KHDRBS3: variants seen among roughly 807,000 people sequenced by gnomAD.
KHDRBS3 encodes the protein KH RNA binding domain containing, signal transduction associated 3.
KHDRBS3 carries 23 observed loss-of-function variants against 45.6 expected under a neutral mutation model. The observed-to-expected ratio is 0.50, with a 90% confidence interval of 0.36 to 0.72. KHDRBS3 has a LOEUF of 0.72. Ranked by LOEUF, KHDRBS3 falls within the 30% of genes least tolerant of loss-of-function variation. The pLI, the probability that KHDRBS3 is intolerant of heterozygous loss-of-function variation, is 0.00. For synonymous variants in KHDRBS3, 162 were observed against 156.5 expected (o/e 1.04, Z -0.26); for missense variants, 352 against 424.8 (o/e 0.83, Z 1.51).
At chr8:135,625,624 C>G (rs1830324114) in intron 7 of KHDRBS3, 3 of 891,330 alleles carry the variant, frequency 3.4e-6, no homozygotes, top group Non-Finnish European at 5.7e-6. Context: ...TCTTTTCCAT[C>G]ATAATTTGCA....
intron 1 of KHDRBS3, among the ~76,000 whole-genome samples, chr8:135,481,274 T>TG (rs11415637): frequency 0.79 from 106,710 of 134,736 alleles, 42,518 homozygotes; most frequent in East Asian, 0.96. Flanking sequence ...TTCTGTGTAC[T>TG]TTTTTTTTTT....
chr8:135,470,735 G>A (rs946889763), intron 1 of KHDRBS3, among the ~76,000 whole-genome samples: 1 of 151,936 alleles, frequency 6.6e-6, no homozygotes, highest in Non-Finnish European at 1.5e-5. Context: ...ACAGGTGCCC[G>A]CCAGCACACC....
chr8:135,497,164 A>G (rs986460335), intron 1 of KHDRBS3, among the ~76,000 whole-genome samples: 1 of 152,058 alleles, frequency 6.6e-6, no homozygotes, highest in East Asian at 1.9e-4. Context: ...ACAAGGCTTC[A>G]CTCTTTTACA....
At chr8:135,510,216 G>A (rs1040836504) in intron 1 of KHDRBS3, among the ~76,000 whole-genome samples, 6 of 152,008 alleles carry the variant, frequency 3.9e-5, no homozygotes, top group African/African-American at 1.4e-4. Context: ...TCTTTCCTTA[G>A]CCTCTCAAAG....
At chr8:135,569,768 G>C (rs1485494900) in intron 5 of KHDRBS3, among the ~76,000 whole-genome samples, 1 of 152,164 alleles carries the variant, frequency 6.6e-6, no homozygotes, top group Non-Finnish European at 1.5e-5. Context: ...GGCAGGTTCT[G>C]TGGTGGAGAT....
intron 2 of KHDRBS3, chr8:135,541,294 A>G (rs1826037533): frequency 6.6e-6 from 1 of 152,198 alleles, no homozygotes; most frequent in Non-Finnish European, 1.5e-5. Flanking sequence ...GTGGGATTGT[A>G]TGGGTCAGTA....
At chr8:135,545,504 A>G (rs1299414077) in intron 3 of KHDRBS3, among the ~76,000 whole-genome samples, 1 of 152,164 alleles carries the variant, frequency 6.6e-6, no homozygotes, top group African/African-American at 2.4e-5. Context: ...CCTGAGTCTC[A>G]CATAAGAGAC....
intron 5 of KHDRBS3, among the ~76,000 whole-genome samples, chr8:135,559,492 A>G (rs1827063460): frequency 6.6e-6 from 1 of 152,114 alleles, no homozygotes; most frequent in Non-Finnish European, 1.5e-5. Flanking sequence ...AGCTGGGATT[A>G]CAGGCACCTG....
chr8:135,485,862 A>ATATATATATATATATATATATATC (rs1822834640), intron 1 of KHDRBS3, among the ~76,000 whole-genome samples: 1 of 143,448 alleles, frequency 7.0e-6, no homozygotes, highest in South Asian at 2.1e-4. Flanking sequence ...ATATATATAT[A>ATATATATATATATATATATATATC]TATATATTTT....
intron 7 of KHDRBS3, chr8:135,625,231 A>C: frequency 7.2e-7 from 1 of 1,390,408 alleles, no homozygotes; most frequent in Non-Finnish European, 1.0e-6. Context: ...ATCAGATGTC[A>C]CAAAGCCTTC....
At chr8:135,503,783 A>G (rs1357997223) in intron 1 of KHDRBS3, among the ~76,000 whole-genome samples, 1 of 152,184 alleles carries the variant, frequency 6.6e-6, no homozygotes, top group Non-Finnish European at 1.5e-5. Flanking sequence ...ACCCTTGTCA[A>G]TGGTAGGACT....
chr8:135,581,032 A>G (rs1450692251), intron 5 of KHDRBS3, among the ~76,000 whole-genome samples: 4 of 152,006 alleles, frequency 2.6e-5, no homozygotes, highest in Non-Finnish European at 5.9e-5. Flanking sequence ...ATAATTTGCT[A>G]TTTTTGGAAA....
chr8:135,535,166 G>A (rs1825672118), intron 2 of KHDRBS3, among the ~76,000 whole-genome samples: 1 of 151,092 alleles, frequency 6.6e-6, no homozygotes, highest in African/African-American at 2.4e-5. Flanking sequence ...ATCAGTTAAG[G>A]TTGTGTGAAA....
chr8:135,613,519 G>A (rs34351724), intron 7 of KHDRBS3, among the ~76,000 whole-genome samples: 30,976 of 151,508 alleles, frequency 0.2, 3,847 homozygotes, highest in Middle Eastern at 0.29. Context: ...CTTGAGGACT[G>A]AATGAGATGG....
intron 1 of KHDRBS3, among the ~76,000 whole-genome samples, chr8:135,503,334 G>A (rs1823829170): frequency 6.6e-6 from 1 of 152,196 alleles, no homozygotes; most frequent in Non-Finnish European, 1.5e-5. Context: ...CGGCACTATG[G>A]AGGGAAGCCA....
intron 5 of KHDRBS3, among the ~76,000 whole-genome samples, chr8:135,570,883 A>T (rs982577870): frequency 6.6e-6 from 1 of 152,202 alleles, no homozygotes; most frequent in African/African-American, 2.4e-5. Flanking sequence ...TTATTAAAGC[A>T]CTTTCTGATG....
chr8:135,514,456 C>T (rs886611679), intron 1 of KHDRBS3, among the ~76,000 whole-genome samples: 1 of 152,166 alleles, frequency 6.6e-6, no homozygotes, highest in East Asian at 1.9e-4. Context: ...TGAAATAAGC[C>T]AAGCATGGAA....
intron 5 of KHDRBS3, among the ~76,000 whole-genome samples, chr8:135,573,670 A>G (rs1270985539): frequency 5.3e-5 from 8 of 152,182 alleles, no homozygotes; most frequent in Non-Finnish European, 8.8e-5. Flanking sequence ...AAAAGTTTGT[A>G]TTAGTCTGTA....
At chr8:135,616,000 G>A (rs1446387114) in intron 7 of KHDRBS3, among the ~76,000 whole-genome samples, 3 of 152,020 alleles carry the variant, frequency 2.0e-5, no homozygotes, top group South Asian at 2.1e-4. Context: ...ATCTTCACCA[G>A]GAATTTCTTT....
Sources: gnomAD v4.1 joint callset for allele counts (sites outside exome capture counted in the v4.1 genomes callset) on GRCh38, gnomAD v4.1.1 for gene constraint, MANE v1.5 for transcripts, NCBI Gene and HGNC (gene_info 2026-07-23, HGNC 2026-07-21) for gene names.